Variants in OR10R2 observed in about 807,000 individuals in gnomAD.
OR10R2 encodes the protein olfactory receptor 10R2.
A neutral mutation model predicts 2.4 loss-of-function variants in OR10R2; 1 was observed. The observed-to-expected ratio is 0.41, with a 90% CI of 0.15 to 1.95. The LOEUF is 1.95. Among genes scored for constraint, OR10R2 ranks in the 30% most tolerant of loss-of-function variants. OR10R2 has a pLI of 0.30. For synonymous variants in OR10R2, 166 were observed against 144.8 expected (o/e 1.15, Z -1.05); for missense variants, 419 against 373.0 (o/e 1.12, Z -1.01).
intron 1 of OR10R2, among the ~76,000 whole-genome samples, chr1:158,476,964 A>C (rs1656283503): frequency 1.3e-5 from 2 of 152,294 alleles, no homozygotes; most frequent in South Asian, 4.1e-4. Flanking sequence ...TTTCTTAAAG[A>C]TTCTGAATAT....
chr1:158,478,672 T>C (rs1471070805), intron 1 of OR10R2, among the ~76,000 whole-genome samples: 1 of 152,124 alleles, frequency 6.6e-6, no homozygotes, highest in Non-Finnish European at 1.5e-5. Flanking sequence ...CAATGGACCA[T>C]GTTTTATTTA....
chr1:158,473,420 C>T (rs1279179057), intron 1 of OR10R2, among the ~76,000 whole-genome samples: 1 of 152,156 alleles, frequency 6.6e-6, no homozygotes, highest in Non-Finnish European at 1.5e-5. Context: ...GGTTTGTTCA[C>T]TGTTGTATCT....
At chr1:158,472,957 C>T (rs952223) in intron 1 of OR10R2, among the ~76,000 whole-genome samples, 94,289 of 152,024 alleles carry the variant, frequency 0.62, 29,473 homozygotes, top group African/African-American at 0.66. Context: ...ATCTTTATAA[C>T]ATCCCATATT....
chr1:158,477,084 G>A (rs1656286591), intron 1 of OR10R2, among the ~76,000 whole-genome samples: 1 of 152,060 alleles, frequency 6.6e-6, no homozygotes, highest in Admixed American at 6.6e-5. Context: ...AATTAGAAAT[G>A]AAATTCATAT....
intron 1 of OR10R2, among the ~76,000 whole-genome samples, chr1:158,476,730 A>G (rs1656279253): frequency 1.3e-5 from 2 of 152,134 alleles, no homozygotes; most frequent in African/African-American, 2.4e-5. Context: ...AGGGTGATGG[A>G]TCATTTCAAT....
chr1:158,475,383 T>A (rs1656251217), intron 1 of OR10R2, among the ~76,000 whole-genome samples: 1 of 152,060 alleles, frequency 6.6e-6, no homozygotes, highest in Non-Finnish European at 1.5e-5. Flanking sequence ...AAAACCAAAT[T>A]ATAATCTTAT....
chr1:158,475,753 A>G (rs1373341257), intron 1 of OR10R2, among the ~76,000 whole-genome samples: 2 of 151,634 alleles, frequency 1.3e-5, no homozygotes, highest in African/African-American at 4.8e-5. Context: ...ACTCTTTGAT[A>G]ATATCTCATT....
exon 2 of OR10R2, chr1:158,480,499 G>A (rs1477714102): frequency 1.2e-6 from 2 of 1,613,402 alleles, no homozygotes; most frequent in Admixed American, 3.3e-5. Context: ...CATTCTTCTG[G>A]CTTGTACCAA....
chr1:158,474,944 A>G (rs1400334905), intron 1 of OR10R2, among the ~76,000 whole-genome samples: 1 of 152,140 alleles, frequency 6.6e-6, no homozygotes, highest in Admixed American at 6.5e-5. Flanking sequence ...CCAGCAAAAA[A>G]AAATTAATAA....
intron 1 of OR10R2, among the ~76,000 whole-genome samples, chr1:158,475,445 A>C (rs1414930938): frequency 6.6e-6 from 1 of 152,076 alleles, no homozygotes; most frequent in Non-Finnish European, 1.5e-5. Context: ...TAATTTGATG[A>C]GTGTAAATAA....
At chr1:158,474,332 G>A (rs1656231295) in intron 1 of OR10R2, 1 of 152,034 alleles carries the variant, frequency 6.6e-6, no homozygotes, top group East Asian at 1.9e-4. Context: ...CAACAGGAGT[G>A]GAGGTAAAAA....
chr1:158,474,543 T>C lies in OR10R2; in HGVS notation c.27+2191T>C, dbSNP rs557660826. On this transcript the variant is annotated intron_variant, in intron 1 of 1. Transcript: ENST00000641067. ...TCTGGCTCTAGAGAGGAATCAGTCA[T>C]GTAGAAAATACCAGACAGGGGTTAC... The C allele has an allele frequency of 3.3e-5, 5 of 152,334 alleles. No homozygotes were observed. In the East Asian group the frequency reaches 9.6e-4, roughly 29 times the overall value. 9.4% of individuals were successfully genotyped at this position (152,334 alleles called of 1,614,324 possible).
chr1:158,480,435 C>T (rs778069996), exon 2 of OR10R2: 1 of 1,614,070 alleles, frequency 6.2e-7, no homozygotes, highest in Admixed American at 1.7e-5. Context: ...TTTTCAGCCT[C>T]CCTTTTTGTA....
At chr1:158,480,158 C>T (rs778812723) in exon 2 of OR10R2, 1 of 1,614,054 alleles carries the variant, frequency 6.2e-7, no homozygotes, top group Admixed American at 1.7e-5. Context: ...ACCTTCTACA[C>T]CTTTGTCATT....
chr1:158,476,953 G>A (rs1656283357), intron 1 of OR10R2, among the ~76,000 whole-genome samples: 1 of 152,048 alleles, frequency 6.6e-6, no homozygotes, highest in African/African-American at 2.4e-5. Flanking sequence ...ATTTGTTTAA[G>A]TTTCTTAAAG....
chr1:158,479,021 T>C (rs1656324787), intron 1 of OR10R2, among the ~76,000 whole-genome samples: 1 of 152,160 alleles, frequency 6.6e-6, no homozygotes, highest in East Asian at 1.9e-4. Flanking sequence ...ACTAGAGTGG[T>C]AAACTTTATC....
exon 2 of OR10R2, chr1:158,480,344 T>C (rs1321995850): frequency 1.2e-6 from 2 of 1,614,076 alleles, no homozygotes; most frequent in South Asian, 1.1e-5. Context: ...CCCACTCTTA[T>C]GAGCTGGCAG....
chr1:158,480,715 C>G, exon 2 of OR10R2: 1 of 1,612,730 alleles, frequency 6.2e-7, no homozygotes, highest in African/African-American at 1.3e-5. Flanking sequence ...CTTCATCTAC[C>G]TGAGGCCTAC....
At chr1:158,479,766 A>T (rs902762043) in intron 1 of OR10R2, 172 bp from the exon 2 acceptor site, 2 of 656,328 alleles carry the variant, frequency 3.0e-6, no homozygotes, top group East Asian at 5.3e-5. Flanking sequence ...GACTTTGAAG[A>T]TGGAAGAAGA....
Sources: allele counts gnomAD v4.1 joint callset (sites outside exome capture counted in the v4.1 genomes callset), GRCh38; gene constraint gnomAD v4.1.1; transcripts MANE v1.5; gene names NCBI Gene and HGNC (gene_info 2026-07-23, HGNC 2026-07-21).